RGS8: variants seen among roughly 807,000 people sequenced by gnomAD.
RGS8 encodes regulator of G-protein signaling 8.
Under a neutral mutation model 21.7 loss-of-function variants are expected in RGS8, and 8 were observed. That is an observed-to-expected ratio of 0.37 (90% CI 0.22 to 0.66). RGS8 has a LOEUF of 0.66. Among genes scored for constraint, RGS8 ranks in the 30% least tolerant of loss-of-function variants. The probability of loss-of-function intolerance (pLI) is 0.59; values close to 1 mark genes in which losing one functional copy is unlikely to be tolerated. For synonymous variants in RGS8, 80 were observed against 83.6 expected (o/e 0.96, Z 0.24); for missense variants, 157 against 217.9 (o/e 0.72, Z 1.76).
At chr1:182,663,797 G>T (rs1312737523) in intron 5 of RGS8, among the ~76,000 whole-genome samples, 1 of 152,178 alleles carries the variant, frequency 6.6e-6, no homozygotes, top group African/African-American at 2.4e-5. Context: ...CTAGGTAGCT[G>T]GGACTACAGG....
chr1:182,654,577 G>A (rs1359711055), intron 5 of RGS8, among the ~76,000 whole-genome samples: 2 of 152,198 alleles, frequency 1.3e-5, no homozygotes, highest in African/African-American at 4.8e-5. Context: ...GGCTAGTCTA[G>A]TGTAACCGAC....
chr1:182,670,542 C>T (rs912084998), intron 2 of RGS8, among the ~76,000 whole-genome samples: 24 of 152,156 alleles, frequency 1.6e-4, no homozygotes, highest in African/African-American at 5.3e-4. Flanking sequence ...GGAAGAAACA[C>T]GTGAGGAGAG....
chr1:182,658,985 A>G (rs1186859734), intron 5 of RGS8, among the ~76,000 whole-genome samples: 1 of 152,232 alleles, frequency 6.6e-6, no homozygotes, highest in East Asian at 1.9e-4. Context: ...GATTAACGTA[A>G]TTTTCTTCAA....
At chr1:182,717,281 CAGA>C in the RGS8 span, among the ~76,000 whole-genome samples, 6 of 152,218 alleles carry the variant, frequency 3.9e-5, no homozygotes, top group Admixed American at 3.9e-4. Context: ...TCAACCTCAA[CAGA>C]AGGAGAAAAC....
the RGS8 span, among the ~76,000 whole-genome samples, chr1:182,710,761 C>T: frequency 6.6e-6 from 1 of 152,152 alleles, no homozygotes; most frequent in Non-Finnish European, 1.5e-5. Flanking sequence ...AAGTGCTTAA[C>T]ACAGTACCTG....
the RGS8 span, among the ~76,000 whole-genome samples, chr1:182,740,573 T>TTTTTTTTTTTTTA: frequency 3.4e-5 from 3 of 87,308 alleles, no homozygotes; most frequent in Non-Finnish European, 6.3e-5. Context: ...TTTTTTTTTT[T>TTTTTTTTTTTTTA]ATTGATCATT....
chr1:182,695,647 A>G, the RGS8 span, among the ~76,000 whole-genome samples: 1 of 152,226 alleles, frequency 6.6e-6, no homozygotes, highest in Non-Finnish European at 1.5e-5. Context: ...GCCATTTAAG[A>G]AAGTATTTCC....
At chr1:182,671,861 G>A (rs190814579) in exon 1 of RGS8, 7 of 1,522,280 alleles carry the variant, frequency 4.6e-6, no homozygotes, top group Non-Finnish European at 6.2e-6. Context: ...CCCACCACTT[G>A]AGCCAGGCAG....
intron 1 of RGS8, among the ~76,000 whole-genome samples, chr1:182,683,582 A>G (rs980697990): frequency 1.3e-5 from 2 of 149,062 alleles, no homozygotes; most frequent in Non-Finnish European, 3.0e-5. Context: ...ATATTGAGTC[A>G]CCATTCTATC....
the RGS8 span, among the ~76,000 whole-genome samples, chr1:182,740,533 T>C: frequency 9.9e-6 from 1 of 100,936 alleles, no homozygotes; most frequent in African/African-American, 4.3e-5. Flanking sequence ...CTCATGTTGT[T>C]TTTTTTGTTT....
intron 4 of RGS8, among the ~76,000 whole-genome samples, chr1:182,666,314 G>A (rs1025384075): frequency 1.2e-4 from 18 of 152,254 alleles, no homozygotes; most frequent in Admixed American, 3.3e-4. Context: ...TAAAGGTATC[G>A]AGGTAACAAT....
chr1:182,672,240 G>A (rs544874948), upstream of RGS8: 329 of 176,100 alleles, frequency 1.9e-3, no homozygotes, highest in Middle Eastern at 2.7e-3. Context: ...ACCGGGAGTG[G>A]GGAGCGTAAA....
Position 182,659,482 on chromosome 1 carries a change from C to T in RGS8, c.193+6487G>A, listed in dbSNP as rs147392265. ...TTGGGAGACTGAAGCGGGCAGATCA[C>T]GAGGTCAGGAGTTTGAGACTGGCCT... is the stretch of plus-strand genomic sequence containing the variant. On this transcript the variant is annotated intron_variant, in intron 5 of 6. Transcript: ENST00000483095. Among the ~76,000 whole-genome samples, 168 of 152,302 alleles carry T rather than the reference C, an allele frequency of 1.1e-3. 1 individual carries two copies. In the East Asian group the frequency reaches 0.027, roughly 24 times the overall value.
the RGS8 span, among the ~76,000 whole-genome samples, chr1:182,749,906 T>G: frequency 2.6e-5 from 4 of 152,140 alleles, no homozygotes; most frequent in African/African-American, 9.7e-5. Flanking sequence ...CAGGCCCCAG[T>G]GTGTGTTGTT....
At chr1:182,739,821 AACACAGCAGCAG>A in the RGS8 span, among the ~76,000 whole-genome samples, 19 of 152,134 alleles carry the variant, frequency 1.2e-4, no homozygotes, top group Non-Finnish European at 2.2e-4. Context: ...AACAGGCAGC[AACACAGCAGCAG>A]AGACCAGAGA....
At chr1:182,676,995 C>T (rs1319286582), upstream of RGS8, among the ~76,000 whole-genome samples, 1 of 152,112 alleles carries the variant, frequency 6.6e-6, no homozygotes, top group Non-Finnish European at 1.5e-5. Flanking sequence ...ACATCACACC[C>T]TATTATTATA....
At chr1:182,713,563 C>T in the RGS8 span, among the ~76,000 whole-genome samples, 1 of 152,130 alleles carries the variant, frequency 6.6e-6, no homozygotes, top group African/African-American at 2.4e-5. Flanking sequence ...ATCACCTTAC[C>T]CCCACTGACC....
At chr1:182,726,785 G>T in the RGS8 span, among the ~76,000 whole-genome samples, 12 of 152,124 alleles carry the variant, frequency 7.9e-5, no homozygotes, top group Non-Finnish European at 1.6e-4. Flanking sequence ...CCATCTTCAT[G>T]AATAGCCTTA....
chr1:182,707,954 C>T, the RGS8 span, among the ~76,000 whole-genome samples: 3 of 152,162 alleles, frequency 2.0e-5, no homozygotes, highest in African/African-American at 7.2e-5. Flanking sequence ...GATCCACCCG[C>T]CTCGGCCTCC....
Sources: gnomAD v4.1 joint callset for allele counts (sites outside exome capture counted in the v4.1 genomes callset) on GRCh38, gnomAD v4.1.1 for gene constraint, MANE v1.5 for transcripts, NCBI Gene and HGNC (gene_info 2026-07-23, HGNC 2026-07-21) for gene names.